CACNB2: variants seen among roughly 807,000 people sequenced by gnomAD.
CACNB2 encodes the protein calcium voltage-gated channel auxiliary subunit beta 2.
In CACNB2, 42 loss-of-function variants were observed where a neutral mutation model predicts 73.3. The observed-to-expected ratio is 0.57, with a 90% confidence interval of 0.45 to 0.74. CACNB2 has a LOEUF of 0.74. Ranked by LOEUF, CACNB2 falls within the 30% of genes least tolerant of loss-of-function variation. The pLI, the probability that CACNB2 is intolerant of heterozygous loss-of-function variation, is 0.00. For missense variants in CACNB2, 940 were observed against 853.0 expected (o/e 1.10, Z -1.27); for synonymous variants, 348 against 310.3 (o/e 1.12, Z -1.28).
intron 2 of CACNB2, among the ~76,000 whole-genome samples, chr10:18,208,135 G>A (rs2035170388): frequency 6.6e-6 from 1 of 152,122 alleles, no homozygotes; most frequent in Admixed American, 6.5e-5. Context: ...ATGAGCCCAT[G>A]GACTGATAAG....
At chr10:18,234,823 T>G (rs138384168) in intron 2 of CACNB2, among the ~76,000 whole-genome samples, 65 of 152,274 alleles carry the variant, frequency 4.3e-4, no homozygotes, top group African/African-American at 1.4e-3. Flanking sequence ...GTGAATGCAC[T>G]TAATGCCACT....
rs915402531 is a variant in CACNB2 at position 18,539,977 on chromosome 10, G to T, written c.*253G>T. 2.5e-6 allele frequency: 1 copy of T among 403,062 alleles called. No individual in the cohort carries two copies. The highest frequency in any genetic ancestry group is 4.4e-6 in the Non-Finnish European group (1 of 224,876). The allele number at this position is 403,062 out of a possible 1,614,324, so 25.0% of individuals were successfully genotyped here. On this transcript the variant is annotated 3_prime_UTR_variant, in exon 14 of 14. Coordinates refer to ENST00000324631, the MANE Select transcript of CACNB2 (RefSeq NM_201596.3). ...TTGCATACTGGACTCTTCAAAAACT[G>T]TTTTGGGTAGCTGCCACTTGAACAA...
rs549761243 is a variant in CACNB2 at position 18,195,561 on chromosome 10, G to A, written c.213+44586G>A. Among the ~76,000 whole-genome samples the A allele has an allele frequency of 6.6e-5, 10 of 152,326 alleles. 1 individual carries two copies. Among genetic ancestry groups the A allele is most frequent in the Middle Eastern group, 3.4e-3 (1 of 294 alleles). ...AATGCATTCCACTCATCAAGAGAGC[G>A]TGGATTATGAGCTCCTGGCTCTCGG... is the stretch of plus-strand genomic sequence containing the variant. On this transcript the variant is annotated intron_variant, in intron 2 of 13. Transcript: ENST00000324631.
intron 3 of CACNB2, among the ~76,000 whole-genome samples, chr10:18,434,565 T>C (rs2046040785): frequency 6.6e-6 from 1 of 152,144 alleles, no homozygotes; most frequent in Admixed American, 6.5e-5. Context: ...AATATGATGA[T>C]GATTATTATA....
intron 2 of CACNB2, among the ~76,000 whole-genome samples, chr10:18,268,861 G>C (rs756809041): frequency 3.9e-5 from 6 of 152,138 alleles, no homozygotes; most frequent in Non-Finnish European, 7.3e-5. Context: ...TTCATAAATG[G>C]AGGAGTCTAC....
intron 2 of CACNB2, among the ~76,000 whole-genome samples, chr10:18,399,000 G>A (rs545298586): frequency 1.2e-4 from 18 of 152,290 alleles, no homozygotes; most frequent in Non-Finnish European, 2.5e-4. Context: ...GACCGGGAAT[G>A]CGACCGCGGG....
At chr10:18,495,946 A>T (rs1051767017) in intron 3 of CACNB2, among the ~76,000 whole-genome samples, 1 of 151,960 alleles carries the variant, frequency 6.6e-6, no homozygotes, top group African/African-American at 2.4e-5. Flanking sequence ...AAGAAGCAGG[A>T]TCCCTGGTAT....
At chr10:18,220,110 A>ATAT (rs2035675954) in intron 2 of CACNB2, among the ~76,000 whole-genome samples, 2 of 32,746 alleles carry the variant, frequency 6.1e-5, no homozygotes, top group African/African-American at 1.4e-4. Flanking sequence ...TTTATTTTTT[A>ATAT]ATATATATAT....
At chr10:18,301,705 G>C (rs887622116) in intron 2 of CACNB2, among the ~76,000 whole-genome samples, 2 of 150,802 alleles carry the variant, frequency 1.3e-5, no homozygotes, top group African/African-American at 4.9e-5. Context: ...CTGGAGTGCA[G>C]TGGCACAATC....
chr10:18,357,310 A>T (rs1019187604), intron 2 of CACNB2, among the ~76,000 whole-genome samples: 2 of 152,176 alleles, frequency 1.3e-5, no homozygotes, highest in Admixed American at 6.5e-5. Context: ...TGTATAGTTA[A>T]TGCAAACAAC....
At chr10:18,173,276 TA>T (rs1336489587) in intron 2 of CACNB2, among the ~76,000 whole-genome samples, 2 of 152,174 alleles carry the variant, frequency 1.3e-5, no homozygotes, top group Non-Finnish European at 1.5e-5. Context: ...GGAGATGAAA[TA>T]AGGATAACTT....
intron 2 of CACNB2, among the ~76,000 whole-genome samples, chr10:18,275,370 G>C (rs1006150701): frequency 1.3e-5 from 2 of 152,280 alleles, no homozygotes; most frequent in Middle Eastern, 3.4e-3. Context: ...GGTTAGCTTC[G>C]TAATAAGGGG....
intron 2 of CACNB2, among the ~76,000 whole-genome samples, chr10:18,164,768 TGG>T (rs2032728325): frequency 1.3e-5 from 2 of 152,130 alleles, no homozygotes; most frequent in African/African-American, 4.8e-5. Flanking sequence ...ATTTAGGACT[TGG>T]AGGTGTCTAC....
At chr10:18,193,350 C>T (rs988171841) in intron 2 of CACNB2, among the ~76,000 whole-genome samples, 4 of 151,474 alleles carry the variant, frequency 2.6e-5, no homozygotes, top group African/African-American at 4.9e-5. Context: ...CACATTTTTG[C>T]CAACACTTAT....
At chr10:18,399,642 C>T (rs1262644962) in intron 2 of CACNB2, among the ~76,000 whole-genome samples, 1 of 152,006 alleles carries the variant, frequency 6.6e-6, no homozygotes, top group Non-Finnish European at 1.5e-5. Context: ...TTTGGCCTCC[C>T]AGAGTCCTAG....
rs1278675619 is a variant in CACNB2, at chr10:18,309,749, G to A, written c.214-92175G>A. On this transcript the variant is annotated intron_variant, in intron 2 of 13. Coordinates refer to ENST00000324631, the MANE Select transcript of CACNB2 (RefSeq NM_201596.3). ...TGGGATTACAGGTGTGAGCCACCTCGCCCAGCCCAGAAAATGTGGGTTTTA... is the reference window on the plus strand; with the variant it reads ...TGGGATTACAGGTGTGAGCCACCTCACCCAGCCCAGAAAATGTGGGTTTTA... 3.3e-5 allele frequency among the ~76,000 whole-genome samples: 5 copies of A among 152,090 alleles called. 1 individual carries two copies. Among genetic ancestry groups the A allele is most frequent in the South Asian group, 4.1e-4 (2 of 4,828 alleles).
chr10:18,513,054 C>G (rs1409768880), intron 6 of CACNB2: 1 of 158,772 alleles, frequency 6.3e-6, no homozygotes. Flanking sequence ...ATTCAGAAAG[C>G]TATAGTGGAT....
intron 2 of CACNB2, among the ~76,000 whole-genome samples, chr10:18,223,907 C>G (rs1207058094): frequency 6.6e-6 from 1 of 151,902 alleles, no homozygotes; most frequent in African/African-American, 2.4e-5. Context: ...ACTCTTCCAT[C>G]TAGTGAAATA....
chr10:18,528,919 C>G (rs913960889), intron 10 of CACNB2, among the ~76,000 whole-genome samples: 10 of 152,240 alleles, frequency 6.6e-5, no homozygotes, highest in Non-Finnish European at 1.3e-4. Flanking sequence ...TGGCTCACTG[C>G]ACCTTGACCT....
Sources: allele counts gnomAD v4.1 joint callset (sites outside exome capture counted in the v4.1 genomes callset), GRCh38; gene constraint gnomAD v4.1.1; transcripts MANE v1.5; gene names NCBI Gene and HGNC (gene_info 2026-07-23, HGNC 2026-07-21).